The following SPON1 variants were observed in gnomAD, a reference collection of about 807,000 sequenced individuals.
SPON1 encodes the protein spondin 1.
Under a neutral mutation model 111.7 loss-of-function variants are expected in SPON1, and 52 were observed. The observed-to-expected ratio is 0.47, with a 90% CI of 0.37 to 0.59. The LOEUF is 0.59. Ranked by LOEUF, SPON1 falls within the 20% of genes least tolerant of loss-of-function variation. SPON1 has a pLI of 0.00. For missense variants in SPON1, 957 were observed against 1,068.5 expected, an observed-to-expected ratio of 0.90 and a Z score of 1.46; for synonymous variants, 410 against 395.8, an observed-to-expected ratio of 1.04 and a Z score of -0.43.
At chr11:14,230,784 CTTCA>C (rs142059175) in intron 6 of SPON1, among the ~76,000 whole-genome samples, 77,030 of 150,784 alleles carry the variant, frequency 0.51, 19,971 homozygotes, top group East Asian at 0.64. Flanking sequence ...TCCTTCCTTC[CTTCA>C]TTTTTTCGTG....
intron 5 of SPON1, among the ~76,000 whole-genome samples, chr11:14,084,014 A>G (rs1848985077): frequency 1.3e-5 from 2 of 152,210 alleles, no homozygotes; most frequent in South Asian, 2.1e-4. Flanking sequence ...GTACTTCAGT[A>G]TATAGCAGAA....
chr11:14,189,907 A>G (rs1363871640), intron 6 of SPON1, among the ~76,000 whole-genome samples: 1 of 152,248 alleles, frequency 6.6e-6, no homozygotes, highest in Non-Finnish European at 1.5e-5. Context: ...GGTCAAAAAT[A>G]AAAATAAAAA....
At chr11:14,220,664 T>C (rs1235317839) in intron 6 of SPON1, among the ~76,000 whole-genome samples, 5 of 152,212 alleles carry the variant, frequency 3.3e-5, no homozygotes, top group African/African-American at 9.7e-5. Flanking sequence ...ACATTACAGA[T>C]CTATGACTTA....
chr11:14,097,937 A>G (rs549506922), intron 5 of SPON1, among the ~76,000 whole-genome samples: 10 of 152,170 alleles, frequency 6.6e-5, no homozygotes, highest in South Asian at 2.1e-4. Flanking sequence ...CCAGGATGTT[A>G]AAGGATGTTT....
intron 3 of SPON1, among the ~76,000 whole-genome samples, chr11:14,048,329 C>A (rs1848684754): frequency 6.6e-6 from 1 of 152,144 alleles, no homozygotes; most frequent in African/African-American, 2.4e-5. Context: ...TGCTGCAGAG[C>A]CCTCACTTGT....
chr11:14,254,454 C>A, intron 7 of SPON1, 74 bp from the exon 8 acceptor site: 1 of 1,303,736 alleles, frequency 7.7e-7, no homozygotes. Flanking sequence ...TCTTCATAAT[C>A]CAGGCAGATT....
At chr11:14,079,778 A>G in intron 4 of SPON1, 121 bp from the exon 5 acceptor site, 1 of 1,035,090 alleles carries the variant, frequency 9.7e-7, no homozygotes, top group Non-Finnish European at 1.4e-6. Flanking sequence ...AAGTCTTATT[A>G]ACTAATGAAA....
At chr11:14,047,400 A>G (rs1848676439) in intron 3 of SPON1, among the ~76,000 whole-genome samples, 1 of 152,200 alleles carries the variant, frequency 6.6e-6, no homozygotes, top group South Asian at 2.1e-4. Context: ...CCAGTATTCC[A>G]TGTGTAAGAG....
rs782254414 is a variant in SPON1, at chr11:14,267,267, C to CA, written c.*1581dup. Reference sequence around the variant, plus strand: ...GAAGGTTCTTTTTTATATTGTCCTCCACCTCCATCATTTTCAATAAAAGAT... The same window carrying CA: ...GAAGGTTCTTTTTTATATTGTCCTCCAACCTCCATCATTTTCAATAAAAGAT... On this transcript the variant is annotated 3_prime_UTR_variant, in exon 16 of 16. Coordinates refer to ENST00000576479, the MANE Select transcript of SPON1 (RefSeq NM_006108.4). 21 of 152,200 alleles carry CA rather than the reference C, an allele frequency of 1.4e-4. No homozygotes were observed. Among genetic ancestry groups the CA allele is most frequent in the Admixed American group, 3.9e-4 (6 of 15,282 alleles). The allele number at this position is 152,200 out of a possible 1,614,324, so 9.4% of individuals were successfully genotyped here. A position where few individuals can be genotyped will look rare whatever the true frequency, so the allele number is the denominator to read the frequency against.
chr11:13,987,105 T>C (rs1554910491), intron 2 of SPON1, among the ~76,000 whole-genome samples: 1 of 152,176 alleles, frequency 6.6e-6, no homozygotes, highest in African/African-American at 2.4e-5. Flanking sequence ...GGTCAAATGG[T>C]ATTTCTAGAT....
intron 1 of SPON1, among the ~76,000 whole-genome samples, chr11:13,975,338 A>T (rs1319086120): frequency 6.6e-6 from 1 of 152,214 alleles, no homozygotes; most frequent in East Asian, 1.9e-4. Flanking sequence ...GAACTTTGGA[A>T]AAGGGACCAG....
At chr11:14,180,395 C>T (rs1457861197) in intron 6 of SPON1, among the ~76,000 whole-genome samples, 1 of 152,214 alleles carries the variant, frequency 6.6e-6, no homozygotes, top group Non-Finnish European at 1.5e-5. Context: ...ATACTGGGCT[C>T]CTAGAACTTC....
At chr11:14,257,163 A>G (rs1210518512) in intron 10 of SPON1, among the ~76,000 whole-genome samples, 1 of 152,218 alleles carries the variant, frequency 6.6e-6, no homozygotes, top group African/African-American at 2.4e-5. Flanking sequence ...ATCTTGGGCA[A>G]GAAGCTAACC....
At chr11:14,074,509 G>A (rs1380694102) in intron 3 of SPON1, among the ~76,000 whole-genome samples, 2 of 152,210 alleles carry the variant, frequency 1.3e-5, no homozygotes, top group East Asian at 1.9e-4. Context: ...GAAAATTACC[G>A]TTTGACTGAG....
Position 13,962,997 on chromosome 11 carries a change from C to T in SPON1, c.93C>T (p.Asp31=). The T allele has an allele frequency of 1.3e-6, 2 of 1,595,680 alleles. No homozygotes were observed. The highest frequency in any genetic ancestry group is 8.5e-7 in the Non-Finnish European group (1 of 1,172,674). Residue 31 remains aspartate (D), a synonymous_variant, in exon 1 of 16, where the codon GAC becomes GAT. Transcript: ENST00000576479. ...TGGCCGCGGCGCTGGCCTTCTCCGACGAGACCCTGGACAAAGTGCCCAAGT... is the reference window on the plus strand; with the variant it reads ...TGGCCGCGGCGCTGGCCTTCTCCGATGAGACCCTGGACAAAGTGCCCAAGT... ...LPLAAALAFS[D]ETLDKVPKSE...
intron 6 of SPON1, among the ~76,000 whole-genome samples, chr11:14,211,412 A>T (rs574773638): frequency 6.6e-6 from 1 of 152,170 alleles, no homozygotes; most frequent in East Asian, 1.9e-4. Flanking sequence ...ACCTAGGAAT[A>T]CAACTTACAA....
chr11:14,240,589 T>TTATGTG (rs1379300016), intron 6 of SPON1, among the ~76,000 whole-genome samples: 1 of 140,252 alleles, frequency 7.1e-6, no homozygotes, highest in Non-Finnish European at 1.5e-5. Context: ...AGAAGCAATA[T>TTATGTG]TGTGTGTGTG....
intron 5 of SPON1, among the ~76,000 whole-genome samples, chr11:14,112,552 A>C (rs1331245229): frequency 1.3e-5 from 2 of 152,248 alleles, no homozygotes; most frequent in African/African-American, 4.8e-5. Flanking sequence ...GAAGTTAATT[A>C]ATTTATGTAA....
intron 7 of SPON1, among the ~76,000 whole-genome samples, chr11:14,244,149 A>G (rs762391756): frequency 1.3e-5 from 2 of 152,126 alleles, no homozygotes; most frequent in Non-Finnish European, 2.9e-5. Flanking sequence ...TCTCACCTGG[A>G]CCACGTCACC....
Sources: allele counts gnomAD v4.1 joint callset (sites outside exome capture counted in the v4.1 genomes callset), GRCh38; gene constraint gnomAD v4.1.1; transcripts MANE v1.5; gene names NCBI Gene and HGNC (gene_info 2026-07-23, HGNC 2026-07-21).